The following NUMA1 variants were observed in gnomAD, a reference collection of about 807,000 sequenced individuals.
The protein encoded by NUMA1 is nuclear mitotic apparatus protein 1.
A neutral mutation model predicts 237.1 loss-of-function variants in NUMA1; 62 were observed. That is an observed-to-expected ratio of 0.26 (90% CI 0.21 to 0.32). The LOEUF is 0.32. Ranked by LOEUF, NUMA1 falls within the 10% of genes least tolerant of loss-of-function variation. The probability of loss-of-function intolerance (pLI) is 1.00; values close to 1 mark genes in which losing one functional copy is unlikely to be tolerated. For missense variants in NUMA1, 2,533 were observed against 2,666.5 expected (o/e 0.95, Z 1.10); for synonymous variants, 1,028 against 1,066.1 (o/e 0.96, Z 0.70).
intron 2 of NUMA1, among the ~76,000 whole-genome samples, chr11:72,064,857 A>G (rs1943130570): frequency 6.6e-6 from 1 of 152,164 alleles, no homozygotes; most frequent in Admixed American, 6.5e-5. Flanking sequence ...AAAAAAAGGC[A>G]GGATAAAACT....
intron 1 of NUMA1, among the ~76,000 whole-genome samples, chr11:72,077,339 A>G (rs1423960769): frequency 6.6e-6 from 1 of 152,232 alleles, no homozygotes; most frequent in African/African-American, 2.4e-5. Flanking sequence ...AACACAAATG[A>G]CAGCAAAGAA....
At chr11:72,006,339 C>T in intron 21 of NUMA1, 76 bp from the exon 22 acceptor site, 2 of 1,261,112 alleles carry the variant, frequency 1.6e-6, no homozygotes, top group South Asian at 2.7e-5. Flanking sequence ...CTTCCGAAGC[C>T]CTCAGATCCC....
rs887158900 is a variant in NUMA1, at chr11:72,010,744, T to G, written c.4719+42A>C. 7.0e-6 allele frequency: 11 copies of G among 1,577,574 alleles called. No homozygotes were observed. In the African/African-American group the frequency reaches 1.5e-4, roughly 21 times the overall value. On this transcript the variant is annotated intron_variant, in intron 17 of 26. Coordinates refer to ENST00000393695, the MANE Select transcript of NUMA1 (RefSeq NM_006185.4). The stretch of plus-strand genomic sequence containing the variant: ...CCCAGAGCTTAGAGAATAGCTTCCC[T>G]CCCTTGTCCAGAGGCCAGACCCATT...
At chr11:72,076,334 A>G (rs1943706536) in intron 1 of NUMA1, among the ~76,000 whole-genome samples, 1 of 152,036 alleles carries the variant, frequency 6.6e-6, no homozygotes, top group African/African-American at 2.4e-5. Flanking sequence ...AGATCCTGCA[A>G]CTGCACTCCA....
rs61756008 is a variant in NUMA1, at chr11:72,014,751, G to C, written c.2752C>G (p.Arg918Gly). 1.9e-6 allele frequency: 3 copies of C among 1,614,136 alleles called. No individual in the cohort carries two copies. The highest frequency in any genetic ancestry group is 1.1e-5 in the South Asian group (1 of 91,080). Residue 918 changes from arginine to glycine, a missense_variant, in exon 15 of 27, where the codon CGC becomes GGC. Physicochemically the swap from Arg to Gly is moderately radical, Grantham distance 125. Around this residue, in one of 3 missense-constraint regions of NUMA1, gnomAD observed 1,414 missense variants for 1,508.1 expected, o/e 0.94. Coordinates refer to ENST00000393695, the MANE Select transcript of NUMA1 (RefSeq NM_006185.4). This position sits in a 1 kb window ranked among gnomAD's most constrained non-coding sequence, Gnocchi z 4.6. ...KMAATSKEVA[R>G]LETLVRKAGE... Reference sequence around the variant, plus strand: ...GCCTTGCGCACCAAGGTCTCCAAGCGGGCCACCTCTTTGCTGGTGGCAGCC... The same window carrying C: ...GCCTTGCGCACCAAGGTCTCCAAGCCGGCCACCTCTTTGCTGGTGGCAGCC...
chr11:72,023,661 A>G (rs1939199463), intron 5 of NUMA1, among the ~76,000 whole-genome samples: 1 of 152,200 alleles, frequency 6.6e-6, no homozygotes, highest in Non-Finnish European at 1.5e-5. Context: ...CTAGCTCCCC[A>G]TGTCAAAGAC....
intron 3 of NUMA1, among the ~76,000 whole-genome samples, chr11:72,031,306 AG>A (rs1163685715): frequency 6.6e-6 from 1 of 152,108 alleles, no homozygotes; most frequent in Non-Finnish European, 1.5e-5. Flanking sequence ...AAAAAAAAAA[AG>A]AAAAAAGAAA....
chr11:72,011,789 C>T (rs1956179706), intron 16 of NUMA1, among the ~76,000 whole-genome samples: 1 of 152,008 alleles, frequency 6.6e-6, no homozygotes, highest in Non-Finnish European at 1.5e-5. Flanking sequence ...ACCATGTGAC[C>T]CCCACTCCCC....
chr11:72,036,062 T>C, intron 2 of NUMA1, 87 bp from the exon 3 acceptor site: 4 of 969,572 alleles, frequency 4.1e-6, no homozygotes, highest in Non-Finnish European at 6.5e-6. Context: ...AATTTGCCAA[T>C]TCTCAACACT....
chr11:72,003,830 T>TG lies in NUMA1; in HGVS notation c.6336+56dup, dbSNP rs1218944930. 7 of 1,571,670 alleles carry TG rather than the reference T, an allele frequency of 4.5e-6. No individual in the cohort carries two copies. The East Asian group carries it at 6.8e-5, about 15-fold the overall frequency. On this transcript the variant is annotated intron_variant, in intron 26 of 26. Transcript: ENST00000393695. Reference sequence around the variant, plus strand: ...TTGGATGCTACTTGGTGGGGCGGTCTGGGGGGTGCCCATGCTCTCATCGGG... The same window carrying TG: ...TTGGATGCTACTTGGTGGGGCGGTCTGGGGGGGTGCCCATGCTCTCATCGGG...
Position 72,013,066 on chromosome 11 carries a change from C to T in NUMA1, c.4437G>A (p.Glu1479=), listed in dbSNP as rs1202616912. The change falls in exon 15 of 27, where the codon GAG becomes GAA. Residue 1479 remains glutamate (E), a synonymous_variant. Coordinates refer to ENST00000393695, the MANE Select transcript of NUMA1 (RefSeq NM_006185.4). The surrounding 1 kb of genome is among the most constrained non-coding windows in gnomAD (Gnocchi z 6.8). The part of the protein sequence containing the change: ...LDQAREKYVQ[E]LAAVRADAET... Reference sequence around the variant, plus strand: ...CAGCATCAGCACGTACGGCTGCCAACTCTTGGACATACTTCTCCCGGGCCT... The same window carrying T: ...CAGCATCAGCACGTACGGCTGCCAATTCTTGGACATACTTCTCCCGGGCCT... The T allele has an allele frequency of 1.1e-5, 17 of 1,614,120 alleles. No individual in the cohort carries two copies. Among genetic ancestry groups the T allele is most frequent in the African/African-American group, 1.3e-5 (1 of 74,950 alleles).
intron 4 of NUMA1, among the ~76,000 whole-genome samples, chr11:72,027,101 TCTA>T (rs1373733581): frequency 2.6e-5 from 4 of 152,192 alleles, no homozygotes; most frequent in Non-Finnish European, 5.9e-5. Context: ...CTTGGGCACA[TCTA>T]CTGCTCTTGT....
rs563915317 is a variant in NUMA1, at chr11:72,075,983, CTCAG to C, written c.-103+4471_-103+4474del. On this transcript the variant is annotated intron_variant, in intron 1 of 26. Transcript: ENST00000393695. ...AGAGGCTGAGATTCTTAAGTTTATA[CTCAG>C]TAAGATAATAGACTAGGAAAAAAAA... Among the ~76,000 whole-genome samples the C allele has an allele frequency of 4.7e-4, 71 of 152,264 alleles. 2 individuals are homozygous for C. Among genetic ancestry groups the C allele is most frequent in the Admixed American group, 4.5e-3 (69 of 15,294 alleles).
At position 72,022,362 on chromosome 11, in the gene NUMA1, C is replaced by G. The variant is rs1241164016; in HGVS notation, c.349G>C (p.Glu117Gln). The change falls in exon 7 of 27, where the codon GAA becomes CAA. Residue 117 changes from glutamate (E) to glutamine (Q), a missense_variant. Physicochemically the swap from Glu to Gln is conservative, Grantham distance 29. This residue lies in a region of NUMA1 where 1,414 missense variants were observed against 1,508.1 expected (regional missense o/e 0.94). Transcript: ENST00000393695. ...TMSSKSPRDW[E>Q]QFEYKIQAEL... ...ACCTGAATTTTATATTCAAACTGTT[C>G]CCAGTCCCTGGGACTTTTGGAGCTC... 2 of 1,613,612 alleles carry G rather than the reference C, an allele frequency of 1.2e-6. No individual in the cohort carries two copies. Among genetic ancestry groups the G allele is most frequent in the South Asian group, 2.2e-5 (2 of 90,996 alleles).
rs79170800 is a variant in NUMA1 at position 72,014,098 on chromosome 11, T to G, written c.3405A>C (p.Gln1135His). The change falls in exon 15 of 27, where the codon CAA (glutamine) becomes CAC (histidine). Residue 1135 changes from glutamine (Q) to histidine (H), a missense_variant. Around this residue, in one of 3 missense-constraint regions of NUMA1, gnomAD observed 1,414 missense variants for 1,508.1 expected, o/e 0.94. Coordinates refer to ENST00000393695, the MANE Select transcript of NUMA1 (RefSeq NM_006185.4). This position sits in a 1 kb window ranked among gnomAD's most constrained non-coding sequence, Gnocchi z 4.6. ...CAGCCTGCTCCTGCTGCTTCTGGCA[T>G]TGCTGTTCCAGCTTGCTCACCTCTG... ...LRAEVSKLEQ[Q>H]CQKQQEQADS... 4,329 of 1,611,362 alleles carry G rather than the reference T, an allele frequency of 2.7e-3. 12 individuals are homozygous for G. The highest frequency in any genetic ancestry group is 4.0e-3 in the South Asian group (360 of 91,086).
chr11:72,008,949 TGCCA>T lies in NUMA1; in HGVS notation c.5058+14_5058+17del. 1 of 1,597,976 alleles carries T rather than the reference TGCCA, an allele frequency of 6.3e-7. No homozygotes were observed. The highest frequency in any genetic ancestry group is 8.5e-7 in the Non-Finnish European group (1 of 1,176,878). ...CAGTGGAATAGGAGTGAGGTGAGTC[TGCCA>T]GCCAAATTCTTACCTGTGCCTCCAG... is the stretch of plus-strand genomic sequence containing the variant. On this transcript the variant is annotated intron_variant, in intron 19 of 26. Transcript: ENST00000393695.
intron 26 of NUMA1, 108 bp downstream of exon 26, chr11:72,003,779 C>A: frequency 8.1e-7 from 1 of 1,229,648 alleles, no homozygotes; most frequent in South Asian, 1.3e-5. Flanking sequence ...ACCCCACACC[C>A]TCCAGCAGCC....
intron 2 of NUMA1, among the ~76,000 whole-genome samples, chr11:72,054,264 G>A (rs918872812): frequency 1.3e-5 from 2 of 151,976 alleles, no homozygotes; most frequent in African/African-American, 4.8e-5. Context: ...CCAGGAGTTC[G>A]AGACCAGCCT....
chr11:72,024,552 G>A, intron 4 of NUMA1, 199 bp from the exon 5 acceptor site: 2 of 572,162 alleles, frequency 3.5e-6, no homozygotes, highest in Non-Finnish European at 6.3e-6. Context: ...GTGGGAAGAG[G>A]GGACTTGAGG....
Sources: gnomAD v4.1 joint callset for allele counts (sites outside exome capture counted in the v4.1 genomes callset) on GRCh38, gnomAD v4.1.1 for gene constraint, gnomAD v4.1.1 regional missense constraint, Gnocchi (gnomAD v3.1) non-coding constraint, MANE v1.5 for transcripts, NCBI Gene and HGNC (gene_info 2026-07-23, HGNC 2026-07-21) for gene names.